The following SLC17A1 variants were observed in gnomAD, a reference collection of about 807,000 sequenced individuals.
The protein encoded by SLC17A1 is sodium-dependent phosphate transport protein 1.
In SLC17A1, 51 loss-of-function variants were observed where a neutral mutation model predicts 53.5. The ratio of observed to expected loss-of-function variants is 0.95; its 90% CI spans 0.76 to 1.20. The LOEUF is 1.20. SLC17A1 is among the 50% of genes most tolerant of loss of function. SLC17A1 has a pLI of 0.00. For synonymous variants in SLC17A1, 179 were observed against 198.8 expected, an observed-to-expected ratio of 0.90 and a Z score of 0.84; for missense variants, 538 against 568.2, an observed-to-expected ratio of 0.95 and a Z score of 0.54.
chr6:25,823,085 T>C (rs1254873485), intron 3 of SLC17A1, among the ~76,000 whole-genome samples: 1 of 152,156 alleles, frequency 6.6e-6, no homozygotes, highest in Non-Finnish European at 1.5e-5. Context: ...CTTATTTCAC[T>C]TGGCATAATT....
the SLC17A1 span, among the ~76,000 whole-genome samples, chr6:25,741,657 C>T: frequency 1.4e-4 from 21 of 151,740 alleles, no homozygotes; most frequent in East Asian, 3.1e-3. Context: ...CAGAGGTTGC[C>T]GTGAGCCCAG....
At chr6:25,773,471 T>C in the SLC17A1 span, 1 of 1,612,904 alleles carries the variant, frequency 6.2e-7, no homozygotes, top group Non-Finnish European at 8.5e-7. Context: ...TAGAGAGAGC[T>C]GCCTTCTGAC....
At position 25,812,909 on chromosome 6, in the gene SLC17A1, C is replaced by T. The variant is rs138342129; in HGVS notation, c.819G>A (p.Thr273=). 4.2e-5 allele frequency: 68 copies of T among 1,613,226 alleles called. No homozygotes were observed. Among genetic ancestry groups the T allele is most frequent in the Non-Finnish European group, 5.0e-5 (59 of 1,179,376 alleles). ...TCATGATGTTATGTGACCAGAAAAACGTAAAACTACCAGTGGAAATAGCCC... is the reference window on the plus strand; with the variant it reads ...TCATGATGTTATGTGACCAGAAAAATGTAAAACTACCAGTGGAAATAGCCC... ...PVWAISTGSF[T]FFWSHNIMTL... The change falls in exon 8 of 13, where the codon ACG becomes ACA. Residue 273 remains threonine, a synonymous_variant. Coordinates refer to ENST00000244527, the MANE Select transcript of SLC17A1 (RefSeq NM_005074.5).
In SLC17A1 at chr6:25,798,922, A is replaced by C. The variant is rs1329717662; in HGVS notation, c.1270-3T>G. 2 of 1,552,060 alleles carry C rather than the reference A, an allele frequency of 1.3e-6. No homozygotes were observed. The highest frequency in any genetic ancestry group is 1.8e-6 in the Non-Finnish European group (2 of 1,139,336). ...TTAAACCAGGCGGATTCCGGATCCTAAGGAATTAAAATTCAAAGTAATTGT... is the reference window on the plus strand; with the variant it reads ...TTAAACCAGGCGGATTCCGGATCCTCAGGAATTAAAATTCAAAGTAATTGT... On this transcript the variant is annotated splice_region_variant and splice_polypyrimidine_tract_variant and intron_variant, in intron 11 of 12. Coordinates refer to ENST00000244527, the MANE Select transcript of SLC17A1 (RefSeq NM_005074.5).
rs370460268 is a variant in SLC17A1, at chr6:25,811,461, G to A, written c.1115C>T (p.Ala372Val). The change falls in exon 10 of 13, where the codon GCT becomes GTT. Residue 372 changes from alanine (A) to valine (V), a missense_variant. By Grantham distance (64) the Ala-to-Val change is moderately conservative. Coordinates refer to ENST00000244527, the MANE Select transcript of SLC17A1 (RefSeq NM_005074.5). ...CAAGCAAAAGCTGCCTGTTGCACCA[G>A]CAAGTATTAGGAAAATGACAATGCT... ...FYSIVIFLIL[A>V]GATGSFCLGG... 40 of 1,613,792 alleles carry A rather than the reference G, an allele frequency of 2.5e-5. 3 individuals carry two copies. The highest frequency in any genetic ancestry group is 1.8e-4 in the East Asian group (8 of 44,890).
At chr6:25,815,712 C>T (rs1209303841) in intron 6 of SLC17A1, among the ~76,000 whole-genome samples, 3 of 152,094 alleles carry the variant, frequency 2.0e-5, no homozygotes, top group Non-Finnish European at 2.9e-5. Flanking sequence ...GGCGTGGCCT[C>T]GGAACTTCCA....
At chr6:25,785,471 C>T (rs1205657226) in intron 12 of SLC17A1, among the ~76,000 whole-genome samples, 1 of 152,012 alleles carries the variant, frequency 6.6e-6, no homozygotes, top group Non-Finnish European at 1.5e-5. Flanking sequence ...ATAAATTAGA[C>T]TTCATAAAAA....
At chr6:25,737,176 C>T in the SLC17A1 span, among the ~76,000 whole-genome samples, 1 of 152,166 alleles carries the variant, frequency 6.6e-6, no homozygotes, top group African/African-American at 2.4e-5. Flanking sequence ...CTATAGGTGA[C>T]AAGATTTGCA....
the SLC17A1 span, among the ~76,000 whole-genome samples, chr6:25,738,783 G>C: frequency 3.4e-4 from 51 of 152,136 alleles, no homozygotes; most frequent in Non-Finnish European, 5.7e-4. Flanking sequence ...CACATGAGGA[G>C]ATGTTTAACA....
At chr6:25,749,026 C>T in the SLC17A1 span, among the ~76,000 whole-genome samples, 2 of 152,244 alleles carry the variant, frequency 1.3e-5, no homozygotes, top group Admixed American at 6.5e-5. Flanking sequence ...TGCAAGAGGC[C>T]TTCCTCTTTT....
At chr6:25,738,756 C>A in the SLC17A1 span, among the ~76,000 whole-genome samples, 3 of 152,080 alleles carry the variant, frequency 2.0e-5, no homozygotes, top group Admixed American at 1.3e-4. Flanking sequence ...GCCAAGGACA[C>A]ACAAAGGGCA....
At chr6:25,736,119 G>T in the SLC17A1 span, among the ~76,000 whole-genome samples, 1 of 151,964 alleles carries the variant, frequency 6.6e-6, no homozygotes, top group Non-Finnish European at 1.5e-5. Context: ...AGGTGGTGGG[G>T]GTGGGGTGGT....
the SLC17A1 span, among the ~76,000 whole-genome samples, chr6:25,743,441 G>A: frequency 6.6e-6 from 1 of 151,950 alleles, no homozygotes; most frequent in African/African-American, 2.4e-5. Context: ...AAACTTTCTA[G>A]GTTTTATAAA....
chr6:25,785,646 A>T (rs77735344), intron 12 of SLC17A1, among the ~76,000 whole-genome samples: 7,893 of 152,256 alleles, frequency 0.052, 333 homozygotes, highest in Non-Finnish European at 0.072. Flanking sequence ...CAAAAGACAA[A>T]TAATTAAAAT....
At chr6:25,809,360 C>CAA (rs991244496) in intron 10 of SLC17A1, among the ~76,000 whole-genome samples, 2 of 151,960 alleles carry the variant, frequency 1.3e-5, no homozygotes, top group Non-Finnish European at 2.9e-5. Context: ...ATTCACTTAA[C>CAA]AAAACTGTAT....
chr6:25,754,624 G>A, the SLC17A1 span: 1 of 152,254 alleles, frequency 6.6e-6, no homozygotes, highest in African/African-American at 2.4e-5. Flanking sequence ...AAAATGTAAA[G>A]TTAAAAATTA....
At chr6:25,827,576 C>T (rs977401429) in intron 2 of SLC17A1, among the ~76,000 whole-genome samples, 3 of 152,106 alleles carry the variant, frequency 2.0e-5, no homozygotes, top group African/African-American at 7.2e-5. Flanking sequence ...TGGGAACCTA[C>T]TTTATGTTGA....
chr6:25,748,756 G>C, the SLC17A1 span, among the ~76,000 whole-genome samples: 1 of 152,194 alleles, frequency 6.6e-6, no homozygotes, highest in Non-Finnish European at 1.5e-5. Context: ...CGTGAGCAAA[G>C]GAATCTGTGT....
At chr6:25,800,551 G>A (rs1763725642) in intron 11 of SLC17A1, among the ~76,000 whole-genome samples, 1 of 151,722 alleles carries the variant, frequency 6.6e-6, no homozygotes, top group Non-Finnish European at 1.5e-5. Flanking sequence ...TTCTTTTTTT[G>A]AGAAAACTGT....
Sources: allele counts gnomAD v4.1 joint callset (sites outside exome capture counted in the v4.1 genomes callset), GRCh38; gene constraint gnomAD v4.1.1; transcripts MANE v1.5; gene names NCBI Gene and HGNC (gene_info 2026-07-23, HGNC 2026-07-21).